The following KIRREL3 variants were observed in gnomAD, a reference collection of about 807,000 sequenced individuals.
KIRREL3 encodes the protein kin of IRRE-like protein 3.
KIRREL3 carries 36 observed loss-of-function variants against 89.7 expected under a neutral mutation model. The ratio of observed to expected loss-of-function variants is 0.40; its 90% CI spans 0.31 to 0.53. The LOEUF (loss-of-function observed/expected upper bound fraction) is 0.53. KIRREL3 is among the 20% of genes least tolerant of loss of function. KIRREL3 has a pLI of 0.49. For synonymous variants in KIRREL3, 445 were observed against 441.4 expected, an observed-to-expected ratio of 1.01 and a Z score of -0.10; for missense variants, 864 against 1,056.6, an observed-to-expected ratio of 0.82 and a Z score of 2.53.
chr11:126,869,065 G>A (rs1427440046), intron 1 of KIRREL3, among the ~76,000 whole-genome samples: 1 of 151,646 alleles, frequency 6.6e-6, no homozygotes, highest in Non-Finnish European at 1.5e-5. Context: ...TTCAACATAT[G>A]AATTTTGAGG....
intron 1 of KIRREL3, among the ~76,000 whole-genome samples, chr11:126,632,284 G>T (rs1271830124): frequency 6.6e-6 from 1 of 152,212 alleles, no homozygotes; most frequent in Non-Finnish European, 1.5e-5. Flanking sequence ...GATACAGAAA[G>T]AATTGCCCTT....
At chr11:126,625,065 C>G (rs1034414938) in intron 1 of KIRREL3, among the ~76,000 whole-genome samples, 2 of 152,198 alleles carry the variant, frequency 1.3e-5, no homozygotes, top group African/African-American at 4.8e-5. Flanking sequence ...TTTCTCCCCT[C>G]TCCAGTTGGA....
intron 4 of KIRREL3, among the ~76,000 whole-genome samples, chr11:126,505,603 C>T (rs1957994341): frequency 6.6e-6 from 1 of 152,054 alleles, no homozygotes; most frequent in African/African-American, 2.4e-5. Flanking sequence ...CAAGATCCAA[C>T]AGTCATACAC....
rs775360198 is a variant in KIRREL3 at position 126,643,323 on chromosome 11, G to A, written c.56-80411C>T. Among the ~76,000 whole-genome samples the A allele has an allele frequency of 1.2e-4, 19 of 152,174 alleles. 1 individual carries two copies. The highest frequency in any genetic ancestry group is 1.2e-3 in the Admixed American group (19 of 15,276). ...CTAATGAATTACAAATAAAGAAAAT[G>A]TTAGGGAAACACAGAGGGGAGCTCA... On this transcript the variant is annotated intron_variant, in intron 1 of 16. Coordinates refer to ENST00000525144, the MANE Select transcript of KIRREL3 (RefSeq NM_032531.4). This position sits in a 1 kb window ranked among gnomAD's most constrained non-coding sequence, Gnocchi z 4.5.
At position 126,994,759 on chromosome 11, in the gene KIRREL3, C is replaced by T. The variant is rs143754673; in HGVS notation, c.55+5696G>A. 3.4e-3 allele frequency among the ~76,000 whole-genome samples: 512 copies of T among 152,174 alleles called. 4 individuals are homozygous for T. The Middle Eastern group carries it at 0.061, about 18-fold the overall frequency. On this transcript the variant is annotated intron_variant, in intron 1 of 16. Coordinates refer to ENST00000525144, the MANE Select transcript of KIRREL3 (RefSeq NM_032531.4). The surrounding 1 kb of genome is among the most constrained non-coding windows in gnomAD (Gnocchi z 5.2). ...GGGAGGTTCAATGGGGGAGAAGATC[C>T]CCCACCCTCTTGTGACCCTTGGCTC...
rs1949359974 is a variant in KIRREL3, at chr11:126,969,111, TCTC to T, written c.55+31341_55+31343del. On this transcript the variant is annotated intron_variant, in intron 1 of 16. Coordinates refer to ENST00000525144, the MANE Select transcript of KIRREL3 (RefSeq NM_032531.4). The surrounding 1 kb of genome is among the most constrained non-coding windows in gnomAD (Gnocchi z 4.9). ...GGGAATCAGGTGCATTGCACAGTCATCTCCTGCTCAAGACAGAGGAGGGCGCTC... is the reference window on the plus strand; with the variant it reads ...GGGAATCAGGTGCATTGCACAGTCATCTGCTCAAGACAGAGGAGGGCGCTC... Among the ~76,000 whole-genome samples, 1 of 151,986 alleles carries T rather than the reference TCTC, an allele frequency of 6.6e-6. No homozygotes were observed. Among genetic ancestry groups the T allele is most frequent in the African/African-American group, 2.4e-5 (1 of 41,374 alleles).
chr11:126,739,045 C>A lies in KIRREL3; in HGVS notation c.56-176133G>T, dbSNP rs1170295956. On this transcript the variant is annotated intron_variant, in intron 1 of 16. Coordinates refer to ENST00000525144, the MANE Select transcript of KIRREL3 (RefSeq NM_032531.4). The surrounding 1 kb of genome is among the most constrained non-coding windows in gnomAD (Gnocchi z 5.5). ...TCTTGAAAGGCGGGTATATATGATACAAACGGTACAAATGAAGAAACTGGC... is the reference window on the plus strand; with the variant it reads ...TCTTGAAAGGCGGGTATATATGATAAAAACGGTACAAATGAAGAAACTGGC... Among the ~76,000 whole-genome samples, 1 of 152,164 alleles carries A rather than the reference C, an allele frequency of 6.6e-6. No individual in the cohort carries two copies. The highest frequency in any genetic ancestry group is 6.5e-5 in the Admixed American group (1 of 15,272).
At position 126,772,638 on chromosome 11, in the gene KIRREL3, T is replaced by G. The variant is rs141218446; in HGVS notation, c.56-209726A>C. Among the ~76,000 whole-genome samples the G allele has an allele frequency of 6.6e-6, 1 of 152,270 alleles. No individual in the cohort carries two copies. The highest frequency in any genetic ancestry group is 2.4e-5 in the African/African-American group (1 of 41,558). On this transcript the variant is annotated intron_variant, in intron 1 of 16. Coordinates refer to ENST00000525144, the MANE Select transcript of KIRREL3 (RefSeq NM_032531.4). This position sits in a 1 kb window ranked among gnomAD's most constrained non-coding sequence, Gnocchi z 4.6. ...AAGTGACAAGTTGCTAACTCATGTTTGTCAAAAAGCATCCCTCTCCTGGTA... is the reference window on the plus strand; with the variant it reads ...AAGTGACAAGTTGCTAACTCATGTTGGTCAAAAAGCATCCCTCTCCTGGTA...
chr11:126,659,118 C>T (rs1256502383), intron 1 of KIRREL3, among the ~76,000 whole-genome samples: 3 of 152,236 alleles, frequency 2.0e-5, no homozygotes, highest in Non-Finnish European at 4.4e-5. Flanking sequence ...TACATTTTCC[C>T]TCTTGCCTGC....
chr11:126,536,340 C>G (rs183089011), intron 2 of KIRREL3, among the ~76,000 whole-genome samples: 2 of 152,164 alleles, frequency 1.3e-5, no homozygotes, highest in Non-Finnish European at 2.9e-5. Flanking sequence ...GGATCTGACT[C>G]AGAGGAGCCG....
At chr11:126,784,982 G>C (rs1362072738) in intron 1 of KIRREL3, among the ~76,000 whole-genome samples, 1 of 152,190 alleles carries the variant, frequency 6.6e-6, no homozygotes, top group East Asian at 1.9e-4. Context: ...TTACAGCTCT[G>C]GTTCCCTACC....
chr11:126,858,548 A>G (rs909647416), intron 1 of KIRREL3, among the ~76,000 whole-genome samples: 5 of 151,988 alleles, frequency 3.3e-5, no homozygotes, highest in Non-Finnish European at 7.4e-5. Flanking sequence ...CTCTCTCTCC[A>G]CATGCACACA....
chr11:126,578,176 A>G lies in KIRREL3; in HGVS notation c.56-15264T>C, dbSNP rs904876886. Among the ~76,000 whole-genome samples, 5 of 152,180 alleles carry G rather than the reference A, an allele frequency of 3.3e-5. No homozygotes were observed. The highest frequency in any genetic ancestry group is 1.2e-4 in the African/African-American group (5 of 41,444). ...ATCCCTCTTCCACCCAACTACTGAG[A>G]AGTTTAACAGACAATCTTTTCTTTT... On this transcript the variant is annotated intron_variant, in intron 1 of 16. Coordinates refer to ENST00000525144, the MANE Select transcript of KIRREL3 (RefSeq NM_032531.4). The surrounding 1 kb of genome is among the most constrained non-coding windows in gnomAD (Gnocchi z 4.9).
intron 8 of KIRREL3, among the ~76,000 whole-genome samples, chr11:126,447,778 G>T (rs775809301): frequency 6.6e-6 from 1 of 152,208 alleles, no homozygotes; most frequent in Non-Finnish European, 1.5e-5. Flanking sequence ...CCAGGAGACT[G>T]CGATTAGTCC....
Position 126,639,911 on chromosome 11 carries a change from A to T in KIRREL3, c.56-76999T>A, listed in dbSNP as rs1323685722. On this transcript the variant is annotated intron_variant, in intron 1 of 16. Coordinates refer to ENST00000525144, the MANE Select transcript of KIRREL3 (RefSeq NM_032531.4). The surrounding 1 kb of genome is among the most constrained non-coding windows in gnomAD (Gnocchi z 4.3). ...ATCTGGCTTGTAGAATAGAAAGGCC[A>T]CTTGCTTAATTGGGAACACTTTAAT... is the stretch of plus-strand genomic sequence containing the variant. Among the ~76,000 whole-genome samples, 1 of 152,238 alleles carries T rather than the reference A, an allele frequency of 6.6e-6. No homozygotes were observed. The highest frequency in any genetic ancestry group is 1.5e-5 in the Non-Finnish European group (1 of 68,044).
rs746474136 is a variant in KIRREL3 at position 126,486,243 on chromosome 11, G to C, written c.434-12777C>G. Among the ~76,000 whole-genome samples the C allele has an allele frequency of 6.6e-6, 1 of 152,170 alleles. No individual in the cohort carries two copies. The highest frequency in any genetic ancestry group is 1.5e-5 in the Non-Finnish European group (1 of 68,044). ...GTGCTACGTGGCCGCCGTCTGCACA[G>C]CAAGGGTGAGAGGGCTTGGGAGAGG... is the stretch of plus-strand genomic sequence containing the variant. On this transcript the variant is annotated intron_variant, in intron 4 of 16. Transcript: ENST00000525144. The surrounding 1 kb of genome is among the most constrained non-coding windows in gnomAD (Gnocchi z 6.2).
rs567036676 is a variant in KIRREL3 at position 126,868,501 on chromosome 11, G to A, written c.55+131954C>T. On this transcript the variant is annotated intron_variant, in intron 1 of 16. Coordinates refer to ENST00000525144, the MANE Select transcript of KIRREL3 (RefSeq NM_032531.4). The stretch of plus-strand genomic sequence containing the variant: ...TCACAGCCTTCCCTCTTTGGTGACT[G>A]TAATGGTGGGGCTGGGATTCATTTA... Among the ~76,000 whole-genome samples, 129 of 152,260 alleles carry A rather than the reference G, an allele frequency of 8.5e-4. 2 individuals carry two copies. Among genetic ancestry groups the A allele is most frequent in the African/African-American group, 2.8e-3 (116 of 41,558 alleles).
rs747884473 is a variant in KIRREL3 at position 126,561,953 on chromosome 11, C to A, written c.133+882G>T. On this transcript the variant is annotated intron_variant, in intron 2 of 16. Coordinates refer to ENST00000525144, the MANE Select transcript of KIRREL3 (RefSeq NM_032531.4). The surrounding 1 kb of genome is among the most constrained non-coding windows in gnomAD (Gnocchi z 4.5). ...GTAGAAAGAAGCTTCCTCCTTCTTG[C>A]TGGAATGGGAATGAGGAGACATGGG... 6.6e-6 allele frequency among the ~76,000 whole-genome samples: 1 copy of A among 152,058 alleles called. No homozygotes were observed. The highest frequency in any genetic ancestry group is 1.5e-5 in the Non-Finnish European group (1 of 68,026).
chr11:126,575,153 T>C lies in KIRREL3; in HGVS notation c.56-12241A>G, dbSNP rs1304127056. Among the ~76,000 whole-genome samples, 1 of 152,082 alleles carries C rather than the reference T, an allele frequency of 6.6e-6. No individual in the cohort carries two copies. The highest frequency in any genetic ancestry group is 1.5e-5 in the Non-Finnish European group (1 of 68,004). On this transcript the variant is annotated intron_variant, in intron 1 of 16. Transcript: ENST00000525144. The surrounding 1 kb of genome is among the most constrained non-coding windows in gnomAD (Gnocchi z 7.0). Reference sequence around the variant, plus strand: ...CAGAGGACACAGTGAGGGAGCCTGGTTTAAAAAAAAGAGGCTTAAGCTAAG... The same window carrying C: ...CAGAGGACACAGTGAGGGAGCCTGGCTTAAAAAAAAGAGGCTTAAGCTAAG...
Sources: allele counts gnomAD v4.1 joint callset (sites outside exome capture counted in the v4.1 genomes callset), GRCh38; gene constraint gnomAD v4.1.1; non-coding constraint Gnocchi (gnomAD v3.1); transcripts MANE v1.5; gene names NCBI Gene and HGNC (gene_info 2026-07-23, HGNC 2026-07-21).